The following UGT2A3 variants were observed in gnomAD, a reference collection of about 807,000 sequenced individuals.
UGT2A3 encodes UDP-glucuronosyltransferase 2A3.
UGT2A3 carries 55 observed loss-of-function variants against 44.1 expected under a neutral mutation model. The observed-to-expected ratio is 1.25, with a 90% CI of 1.00 to 1.56. The LOEUF (loss-of-function observed/expected upper bound fraction) is 1.56. UGT2A3 is among the 40% of genes most tolerant of loss of function. UGT2A3 has a pLI of 0.00. For missense variants in UGT2A3, 733 were observed against 621.6 expected (o/e 1.18, Z -1.91); for synonymous variants, 243 against 215.1 (o/e 1.13, Z -1.13).
rs752074279 is a variant in UGT2A3 at position 68,951,219 on chromosome 4, C to T, written c.542G>A (p.Ser181Asn). ...RISVGGNMER[S>N]CGKLPAPLSY... is the part of the protein sequence containing the mutation. ...AAGTGGAGCTGGAAGTTTCCCACAG[C>T]TTCGCTCCATATTGCCTCCTACAGA... The change falls in exon 1 of 6, where the codon AGC becomes AAC. Residue 181 changes from serine to asparagine, a missense_variant. Coordinates refer to ENST00000251566, the MANE Select transcript of UGT2A3 (RefSeq NM_024743.4). The T allele has an allele frequency of 6.2e-7, 1 of 1,611,888 alleles. No individual in the cohort carries two copies. The highest frequency in any genetic ancestry group is 1.1e-5 in the South Asian group (1 of 90,926).
intron 2 of UGT2A3, among the ~76,000 whole-genome samples, chr4:68,936,650 C>A (rs547126776): frequency 6.6e-6 from 1 of 152,094 alleles, no homozygotes; most frequent in African/African-American, 2.4e-5. Flanking sequence ...GAAACTGCTT[C>A]AATTAATGAG....
In UGT2A3 at chr4:68,932,722, C is replaced by G; in HGVS notation, c.902G>C (p.Gly301Ala). Residue 301 changes from glycine (G) to alanine (A), a missense_variant, in exon 3 of 6, where the codon GGT becomes GCT. Coordinates refer to ENST00000251566, the MANE Select transcript of UGT2A3 (RefSeq NM_024743.4). ...TGACCCCAGAGAAAACACCACAATA[C>G]CATCTTCCCCTGAACTCTGGACAAA... ...ENFVQSSGED[G>A]IVVFSLGSLF... 1 of 1,610,962 alleles carries G rather than the reference C, an allele frequency of 6.2e-7. No individual in the cohort carries two copies.
chr4:68,944,421 G>A (rs1718306908), intron 2 of UGT2A3, among the ~76,000 whole-genome samples: 1 of 151,756 alleles, frequency 6.6e-6, no homozygotes, highest in South Asian at 2.1e-4. Flanking sequence ...CCACTTTTGG[G>A]ACAGTGAACT....
chr4:68,945,116 C>T (rs1177242695), intron 2 of UGT2A3, among the ~76,000 whole-genome samples, 190 bp downstream of exon 2: 2 of 151,602 alleles, frequency 1.3e-5, no homozygotes, highest in African/African-American at 4.8e-5. Context: ...CATTCTTCTG[C>T]CTACTTTCTC....
rs1419263886 is a variant in UGT2A3, at chr4:68,928,658, C to T, written c.*1155G>A. On this transcript the variant is annotated 3_prime_UTR_variant, in exon 6 of 6. Transcript: ENST00000251566. ...TATTTAAAACTATTAATAGGCATAT[C>T]ACTAAGATTATATGACAGTAAAAAA... 6.6e-6 allele frequency: 1 copy of T among 151,838 alleles called. No homozygotes were observed. The highest frequency in any genetic ancestry group is 1.5e-5 in the Non-Finnish European group (1 of 67,912). 9.4% of individuals were successfully genotyped at this position (151,838 alleles called of 1,614,324 possible).
intron 2 of UGT2A3, chr4:68,943,270 A>C (rs901252771): frequency 8.3e-7 from 1 of 1,209,296 alleles, no homozygotes; most frequent in African/African-American, 1.6e-5. Context: ...GTAGAATGGC[A>C]TGGGAGATTA....
intron 4 of UGT2A3, 69 bp from the exon 5 acceptor site, chr4:68,930,834 A>G (rs544896595): frequency 3.6e-4 from 458 of 1,274,552 alleles, no homozygotes; most frequent in Non-Finnish European, 4.0e-4. Flanking sequence ...TTTAAAGACT[A>G]CAGATGGGAA....
intron 2 of UGT2A3, among the ~76,000 whole-genome samples, chr4:68,940,673 T>C (rs533154378): frequency 1.1e-4 from 16 of 150,542 alleles, no homozygotes; most frequent in African/African-American, 3.6e-4. Flanking sequence ...CCTGCACATG[T>C]ACCCTTGAAC....
chr4:68,947,691 C>T (rs114267495), intron 1 of UGT2A3, among the ~76,000 whole-genome samples: 2,948 of 151,834 alleles, frequency 0.019, 100 homozygotes, highest in East Asian at 0.15. Context: ...ACTTGAAAGT[C>T]AAGGCTATAT....
chr4:68,947,252 T>C (rs562096208), intron 1 of UGT2A3, among the ~76,000 whole-genome samples: 3 of 151,940 alleles, frequency 2.0e-5, no homozygotes, highest in African/African-American at 4.8e-5. Context: ...TTTGTAGCCA[T>C]TTCAACAATG....
chr4:68,936,591 C>A (rs1056508225), intron 2 of UGT2A3, among the ~76,000 whole-genome samples: 2 of 152,054 alleles, frequency 1.3e-5, no homozygotes, highest in East Asian at 3.9e-4. Flanking sequence ...CAACTGGTAC[C>A]AGCCACTGCA....
At chr4:68,947,445 A>G (rs769950399) in intron 1 of UGT2A3, among the ~76,000 whole-genome samples, 1 of 151,686 alleles carries the variant, frequency 6.6e-6, no homozygotes, top group African/African-American at 2.4e-5. Context: ...TTTTTTCATG[A>G]CCACCCCATC....
In UGT2A3 at chr4:68,929,923, T is replaced by A. The variant is rs750732260; in HGVS notation, c.1474A>T (p.Ile492Phe). The A allele has an allele frequency of 3.1e-6, 5 of 1,613,520 alleles. No individual in the cohort carries two copies. The highest frequency in any genetic ancestry group is 4.2e-6 in the Non-Finnish European group (5 of 1,179,580). ...GCCACACAGGCCAGCAGGAACCCAA[T>A]CACATCTATAGAGTAGTGCTGGAAC... ...TWFQHYSIDV[I>F]GFLLACVATA... The change falls in exon 6 of 6, where the codon ATT becomes TTT. Residue 492 changes from isoleucine (I) to phenylalanine (F), a missense_variant. Coordinates refer to ENST00000251566, the MANE Select transcript of UGT2A3 (RefSeq NM_024743.4).
At chr4:68,932,849 G>A (rs1478500750) in intron 2 of UGT2A3, 90 bp from the exon 3 acceptor site, 2 of 1,296,454 alleles carry the variant, frequency 1.5e-6, no homozygotes, top group East Asian at 2.4e-5. Context: ...AAATACTTGA[G>A]AAATTATTAA....
intron 3 of UGT2A3, 143 bp downstream of exon 3, chr4:68,932,485 G>A: frequency 1.4e-6 from 1 of 718,272 alleles, no homozygotes. Context: ...CAAATGATCA[G>A]TTATGCCCAT....
intron 5 of UGT2A3, 24 bp downstream of exon 5, chr4:68,930,522 G>C (rs3828503): frequency 0.022 from 35,304 of 1,570,360 alleles, 1,712 homozygotes; most frequent in East Asian, 0.21. Context: ...TGTTAGATCA[G>C]TCTGTACAAG....
rs143809558 is a variant in UGT2A3 at position 68,941,353 on chromosome 4, G to A, written c.864+3953C>T. Among the ~76,000 whole-genome samples, 503 of 151,934 alleles carry A rather than the reference G, an allele frequency of 3.3e-3. 4 individuals carry two copies. The highest frequency in any genetic ancestry group is 0.012 in the African/African-American group (479 of 41,502). On this transcript the variant is annotated intron_variant, in intron 2 of 5. Coordinates refer to ENST00000251566, the MANE Select transcript of UGT2A3 (RefSeq NM_024743.4). ...AAATGGAGGAATATAGCAGCTAACT[G>A]ACTTTTGACAAAGGTGCCAAGAACA...
At chr4:68,948,425 CTTTTCTTTT>C (rs1206621536) in intron 1 of UGT2A3, among the ~76,000 whole-genome samples, 29 of 119,602 alleles carry the variant, frequency 2.4e-4, no homozygotes, top group African/African-American at 6.2e-4. Context: ...AATTTTTTTT[CTTTTCTTTT>C]TTTTCTTTTT....
chr4:68,933,110 A>G (rs1717800949), intron 2 of UGT2A3, among the ~76,000 whole-genome samples: 2 of 152,106 alleles, frequency 1.3e-5, no homozygotes, highest in African/African-American at 4.8e-5. Flanking sequence ...GACTGACATC[A>G]GCGAGATGGT....
Sources: allele counts gnomAD v4.1 joint callset (sites outside exome capture counted in the v4.1 genomes callset), GRCh38; gene constraint gnomAD v4.1.1; transcripts MANE v1.5; gene names NCBI Gene and HGNC (gene_info 2026-07-23, HGNC 2026-07-21).